Variants in FH observed in about 807,000 individuals in gnomAD.
FH encodes the protein fumarate hydratase.
Under a neutral mutation model 49.4 loss-of-function variants are expected in FH, and 22 were observed. The observed-to-expected ratio is 0.45, with a 90% CI of 0.32 to 0.64. The LOEUF (loss-of-function observed/expected upper bound fraction) is 0.64, where lower values mean the gene tolerates loss of function less well. Among genes scored for constraint, FH ranks in the 30% least tolerant of loss-of-function variants. The probability of loss-of-function intolerance (pLI) is 0.05; values close to 1 mark genes in which losing one functional copy is unlikely to be tolerated. For missense variants in FH, 526 were observed against 641.5 expected (o/e 0.82, Z 1.95); for synonymous variants, 208 against 223.0 (o/e 0.93, Z 0.60).
chr1:241,499,189 C>A (rs1659705472), intron 9 of FH, among the ~76,000 whole-genome samples: 1 of 152,128 alleles, frequency 6.6e-6, no homozygotes, highest in African/African-American at 2.4e-5. Context: ...ATATAGGGAA[C>A]CCATGATTCA....
intron 4 of FH, among the ~76,000 whole-genome samples, chr1:241,509,874 T>A (rs1166917690): frequency 1.3e-5 from 2 of 151,932 alleles, no homozygotes; most frequent in African/African-American, 4.8e-5. Context: ...TTTAAAAAGA[T>A]ACATTATTTA....
intron 8 of FH, among the ~76,000 whole-genome samples, chr1:241,501,301 GT>G (rs1398275970): frequency 1.3e-5 from 2 of 152,052 alleles, no homozygotes; most frequent in Non-Finnish European, 2.9e-5. Flanking sequence ...TATAATCTAA[GT>G]TTTAATTTGC....
chr1:241,519,527 G>C, intron 1 of FH, 64 bp downstream of exon 1: 2 of 1,512,110 alleles, frequency 1.3e-6, no homozygotes, highest in Non-Finnish European at 8.9e-7. Flanking sequence ...CGGGCGCCCA[G>C]GCCGGCAGGC....
chr1:241,509,449 C>T (rs1660023703), intron 4 of FH, among the ~76,000 whole-genome samples: 1 of 152,158 alleles, frequency 6.6e-6, no homozygotes, highest in Non-Finnish European at 1.5e-5. Context: ...ACTCAGTGCT[C>T]TTTCCTCAAC....
Position 241,504,265 on chromosome 1 carries a change from C to A in FH, c.905-20G>T. The A allele has an allele frequency of 1.2e-6, 2 of 1,603,306 alleles. No homozygotes were observed. The highest frequency in any genetic ancestry group is 8.5e-7 in the Non-Finnish European group (1 of 1,170,878). On this transcript the variant is annotated intron_variant, in intron 6 of 9. Transcript: ENST00000366560. The stretch of plus-strand genomic sequence containing the variant: ...GCAAGCCTAAAGAAAAGAAAAATAT[C>A]CTAGATGGGTGAACAAGTTAAACTA...
At chr1:241,502,658 T>C in intron 7 of FH, 88 bp from the exon 8 acceptor site, 3 of 1,461,520 alleles carry the variant, frequency 2.1e-6, no homozygotes, top group South Asian at 1.2e-5. Context: ...CTAAATAGAG[T>C]AAGATATACA....
At position 241,506,136 on chromosome 1, in the gene FH, A is replaced by G. The variant is rs199909758; in HGVS notation, c.771T>C (p.Tyr257=). The G allele has an allele frequency of 2.3e-5, 37 of 1,613,926 alleles. No individual in the cohort carries two copies. Among genetic ancestry groups the G allele is most frequent in the Non-Finnish European group, 3.1e-5 (36 of 1,179,860 alleles). ...EFSGYVQQVK[Y]AMTRIKAAMP... ...TGGCAGCTTTTATTCTTGTCATTGC[A>G]TATTTTACTTGTTGAACATAACCAC... is the stretch of plus-strand genomic sequence containing the variant. Residue 257 remains tyrosine, a synonymous_variant, in exon 6 of 10, where the codon TAT becomes TAC. Transcript: ENST00000366560.
rs201625211 is a variant in FH at position 241,500,443 on chromosome 1, G to A, written c.1384C>T (p.His462Tyr). 3.1e-6 allele frequency: 5 copies of A among 1,613,688 alleles called. No individual in the cohort carries two copies. The highest frequency in any genetic ancestry group is 4.2e-6 in the Non-Finnish European group (5 of 1,179,724). The change falls in exon 9 of 10, where the codon CAT (histidine) becomes TAT (tyrosine). Residue 462 changes from histidine to tyrosine, a missense_variant. Around this residue, in one of 2 missense-constraint regions of FH, gnomAD observed 383 missense variants for 514.0 expected, o/e 0.75. Transcript: ENST00000366560. ...TTATTCCTTAAACACTTACCTATAT[G>A]AGGATTGAGAGCTGTCACCAACATT... ...SLMLVTALNP[H>Y]IGYDKAAKIA...
rs115066813 is a variant in FH, at chr1:241,518,270, C to T, written c.133-954G>A. On this transcript the variant is annotated intron_variant, in intron 1 of 9. Transcript: ENST00000366560. ...AAAAACTACCTCCATCTGATTTTAG[C>T]TAACATTACAATTCTAAGAGCAAAG... Among the ~76,000 whole-genome samples the T allele has an allele frequency of 5.1e-3, 773 of 152,298 alleles. 10 individuals carry two copies. The highest frequency in any genetic ancestry group is 0.017 in the African/African-American group (727 of 41,568).
At chr1:241,506,485 A>T (rs1390176690) in intron 5 of FH, among the ~76,000 whole-genome samples, 1 of 152,208 alleles carries the variant, frequency 6.6e-6, no homozygotes, top group African/African-American at 2.4e-5. Context: ...ACACTAAATT[A>T]TTGGTTTACT....
At chr1:241,502,828 A>G (rs1001147432) in intron 7 of FH, among the ~76,000 whole-genome samples, 1 of 152,190 alleles carries the variant, frequency 6.6e-6, no homozygotes. Flanking sequence ...CATTCTATAC[A>G]TATTTATGGA....
chr1:241,504,859 T>C (rs1002709317), intron 6 of FH, among the ~76,000 whole-genome samples: 3 of 151,798 alleles, frequency 2.0e-5, no homozygotes, highest in African/African-American at 4.8e-5. Flanking sequence ...GAGTAAAAAG[T>C]ATATGGGAAT....
At chr1:241,513,008 T>C (rs183572972) in intron 3 of FH, among the ~76,000 whole-genome samples, 43 of 152,180 alleles carry the variant, frequency 2.8e-4, no homozygotes, top group African/African-American at 9.9e-4. Context: ...ACATATATTT[T>C]TGCAAACTTT....
chr1:241,514,683 C>A (rs1462516848), intron 2 of FH, among the ~76,000 whole-genome samples: 2 of 152,012 alleles, frequency 1.3e-5, no homozygotes, highest in Admixed American at 1.3e-4. Context: ...AAAACATAAA[C>A]CTGGACCAGA....
At chr1:241,516,422 C>T (rs188832133) in intron 2 of FH, among the ~76,000 whole-genome samples, 4 of 152,262 alleles carry the variant, frequency 2.6e-5, no homozygotes, top group African/African-American at 4.8e-5. Flanking sequence ...AAACCAAACC[C>T]GCATGTTCTC....
chr1:241,514,465 C>T (rs1660167243), intron 2 of FH, among the ~76,000 whole-genome samples: 2 of 152,052 alleles, frequency 1.3e-5, no homozygotes, highest in South Asian at 4.1e-4. Context: ...AAATGAAAAC[C>T]TAGTTTTTAT....
intron 9 of FH, among the ~76,000 whole-genome samples, chr1:241,498,462 G>A (rs990620535): frequency 2.2e-4 from 33 of 151,598 alleles, no homozygotes; most frequent in Admixed American, 1.8e-3. Context: ...CGCAGGCAGG[G>A]CCTGGGGAGG....
chr1:241,511,281 G>GC (rs1253675539), intron 4 of FH, among the ~76,000 whole-genome samples: 1 of 152,114 alleles, frequency 6.6e-6, no homozygotes, highest in African/African-American at 2.4e-5. Context: ...CAAAAAGTGG[G>GC]CCCCCACCAA....
intron 8 of FH, among the ~76,000 whole-genome samples, chr1:241,501,733 C>T (rs902369013): frequency 6.6e-6 from 1 of 152,178 alleles, no homozygotes; most frequent in Admixed American, 6.5e-5. Context: ...AGCTATAACA[C>T]TTTGTCCAAA....
Sources: allele counts gnomAD v4.1 joint callset (sites outside exome capture counted in the v4.1 genomes callset), GRCh38; gene constraint gnomAD v4.1.1; regional missense constraint gnomAD v4.1.1; transcripts MANE v1.5; gene names NCBI Gene and HGNC (gene_info 2026-07-23, HGNC 2026-07-21).